MIGA2: variants seen among roughly 807,000 people sequenced by gnomAD.
MIGA2 encodes family with sequence similarity 73, member B.
MIGA2 carries 36 observed loss-of-function variants against 69.9 expected under a neutral mutation model. That is an observed-to-expected ratio of 0.52 (90% CI 0.39 to 0.68). The LOEUF (loss-of-function observed/expected upper bound fraction) is 0.68, where lower values mean the gene tolerates loss of function less well. Ranked by LOEUF, MIGA2 falls within the 30% of genes least tolerant of loss-of-function variation. The pLI, the probability that MIGA2 is intolerant of heterozygous loss-of-function variation, is 0.00. For synonymous variants in MIGA2, 333 were observed against 349.2 expected, an observed-to-expected ratio of 0.95 and a Z score of 0.52; for missense variants, 660 against 787.7, an observed-to-expected ratio of 0.84 and a Z score of 1.94.
rs1846708675 is a variant in MIGA2 at position 129,072,047 on chromosome 9, G to GT, written c.*1595dup. 6.6e-6 allele frequency: 1 copy of GT among 152,632 alleles called. No individual in the cohort carries two copies. Among genetic ancestry groups the GT allele is most frequent in the Non-Finnish European group, 1.5e-5 (1 of 68,048 alleles). The allele number at this position is 152,632 out of a possible 1,614,324, so 9.5% of individuals were successfully genotyped here. A position where few individuals can be genotyped will look rare whatever the true frequency, so the allele number is the denominator to read the frequency against. On this transcript the variant is annotated 3_prime_UTR_variant, in exon 16 of 16. Coordinates refer to ENST00000684074, the MANE Select transcript of MIGA2 (RefSeq NM_001329990.2). ...GGATGGTAGAGTGTGTGCACTGACT[G>GT]TGAGTCGAATAAACAATTGAGACGA...
chr9:129,053,366 AT>A lies in MIGA2; in HGVS notation c.675+3417del, dbSNP rs112922743. ...GCATTTTTTTCTGTCTATTGCTATA[AT>A]TTTTTTTTTTTTTGAGACGGAGTTT... is the stretch of plus-strand genomic sequence containing the variant. On this transcript the variant is annotated intron_variant, in intron 6 of 15. Transcript: ENST00000684074. 5.1e-3 allele frequency among the ~76,000 whole-genome samples: 738 copies of A among 145,482 alleles called. 3 individuals are homozygous for A. Among genetic ancestry groups the A allele is most frequent in the African/African-American group, 0.013 (506 of 39,964 alleles).
intron 3 of MIGA2, among the ~76,000 whole-genome samples, 196 bp from the exon 4 acceptor site, chr9:129,048,231 G>C (rs1167657265): frequency 6.6e-6 from 1 of 152,206 alleles, no homozygotes; most frequent in Non-Finnish European, 1.5e-5. Context: ...GCAGGGATGT[G>C]GTCATGAGCA....
chr9:129,062,838 C>T (rs1048068072), intron 9 of MIGA2, among the ~76,000 whole-genome samples: 7 of 150,808 alleles, frequency 4.6e-5, no homozygotes, highest in South Asian at 2.1e-4. Flanking sequence ...AACGAGACTC[C>T]GTCTAAAAAA....
chr9:129,063,648 TGG>T lies in MIGA2; in HGVS notation c.1170+23_1170+24del. 7.2e-6 allele frequency: 4 copies of T among 555,130 alleles called. No homozygotes were observed. Among genetic ancestry groups the T allele is most frequent in the African/African-American group, 3.3e-5 (1 of 30,728 alleles). The allele number at this position is 555,130 out of a possible 1,614,324, so 34.4% of individuals were successfully genotyped here. Reference sequence around the variant, plus strand: ...GCTGAGAAGGTAGCAGGGGGTGGGGTGGGGGGGCAAATTATAAAATGCAAACC... The same window carrying T: ...GCTGAGAAGGTAGCAGGGGGTGGGGTGGGGGCAAATTATAAAATGCAAACC... On this transcript the variant is annotated intron_variant, in intron 11 of 15. Coordinates refer to ENST00000684074, the MANE Select transcript of MIGA2 (RefSeq NM_001329990.2).
intron 1 of MIGA2, among the ~76,000 whole-genome samples, chr9:129,039,407 G>A (rs575459715): frequency 4.6e-4 from 70 of 151,650 alleles, no homozygotes; most frequent in African/African-American, 1.6e-3. Context: ...TACAACGCCC[G>A]GCTAATTTTT....
In MIGA2 at chr9:129,061,083, G is replaced by A. The variant is rs1846042931; in HGVS notation, c.895-148G>A. 10 of 697,800 alleles carry A rather than the reference G, an allele frequency of 1.4e-5. No individual in the cohort carries two copies. Among genetic ancestry groups the A allele is most frequent in the East Asian group, 5.4e-5 (2 of 37,176 alleles). The allele number at this position is 697,800 out of a possible 1,614,324, so 43.2% of individuals were successfully genotyped here. On this transcript the variant is annotated intron_variant, in intron 8 of 15. Coordinates refer to ENST00000684074, the MANE Select transcript of MIGA2 (RefSeq NM_001329990.2). The surrounding 1 kb of genome is among the most constrained non-coding windows in gnomAD (Gnocchi z 5.0). ...GGCTCGAACTGGAGCCTCCTGGCCA[G>A]TGTTCCCTCTGACATCCCCTCAGAG...
chr9:129,069,702 A>G lies in MIGA2; in HGVS notation c.1459-147A>G. ...TGCAGAAGTTAAAATGGGCTTCGAA[A>G]GCTTGAGTCACTGCCCAGGGTCATC... is the stretch of plus-strand genomic sequence containing the variant. On this transcript the variant is annotated intron_variant, in intron 14 of 15. Transcript: ENST00000684074. This position sits in a 1 kb window ranked among gnomAD's most constrained non-coding sequence, Gnocchi z 4.9. The G allele has an allele frequency of 1.4e-6, 1 of 701,792 alleles. No homozygotes were observed. Among genetic ancestry groups the G allele is most frequent in the Non-Finnish European group, 2.6e-6 (1 of 385,996 alleles). The allele number at this position is 701,792 out of a possible 1,614,324, so 43.5% of individuals were successfully genotyped here.
At chr9:129,052,993 A>C (rs989604611) in intron 6 of MIGA2, among the ~76,000 whole-genome samples, 1 of 152,214 alleles carries the variant, frequency 6.6e-6, no homozygotes, top group African/African-American at 2.4e-5. Flanking sequence ...GCTAAAAACT[A>C]TATCTGAAAA....
chr9:129,037,988 C>T (rs1662228804), intron 1 of MIGA2, among the ~76,000 whole-genome samples: 1 of 152,174 alleles, frequency 6.6e-6, no homozygotes, highest in African/African-American at 2.4e-5. Context: ...TCGTGGAGAG[C>T]CTGTTCTGGA....
intron 6 of MIGA2, among the ~76,000 whole-genome samples, chr9:129,057,292 T>TTTGTTG (rs916990873): frequency 7.2e-5 from 11 of 151,904 alleles, no homozygotes; most frequent in Non-Finnish European, 1.6e-4. Context: ...ATATATAAAT[T>TTTGTTG]TTGTTGTTGT....
intron 3 of MIGA2, chr9:129,046,955 T>G (rs1845258933): frequency 1.3e-5 from 2 of 151,840 alleles, no homozygotes; most frequent in South Asian, 4.2e-4. Flanking sequence ...ATTTTTGTAT[T>G]TTTAGTAGTG....
intron 6 of MIGA2, among the ~76,000 whole-genome samples, chr9:129,053,592 C>A (rs556233581): frequency 6.6e-6 from 1 of 152,234 alleles, no homozygotes; most frequent in South Asian, 2.1e-4. Context: ...GTTTCTATCT[C>A]CTGACCTCAG....
intron 3 of MIGA2, among the ~76,000 whole-genome samples, chr9:129,042,868 T>C (rs1279923232): frequency 6.6e-6 from 1 of 152,170 alleles, no homozygotes; most frequent in African/African-American, 2.4e-5. Flanking sequence ...TCTTGAATGA[T>C]GCAGTATTCC....
chr9:129,053,908 T>C (rs1042517868), intron 6 of MIGA2, among the ~76,000 whole-genome samples: 2 of 152,058 alleles, frequency 1.3e-5, no homozygotes, highest in Admixed American at 1.3e-4. Context: ...CTGGGTGTCA[T>C]GGCATGTTCC....
At chr9:129,052,005 T>G (rs1182350502) in intron 6 of MIGA2, among the ~76,000 whole-genome samples, 1 of 152,052 alleles carries the variant, frequency 6.6e-6, no homozygotes, top group African/African-American at 2.4e-5. Context: ...TTTTTGTATT[T>G]TTAGCAGAGA....
chr9:129,063,483 C>A (rs1447969232), intron 10 of MIGA2, 62 bp from the exon 11 acceptor site: 2 of 1,591,260 alleles, frequency 1.3e-6, no homozygotes, highest in African/African-American at 1.4e-5. Flanking sequence ...GTGGCCCTCT[C>A]CGTGGGCTTT....
intron 3 of MIGA2, among the ~76,000 whole-genome samples, chr9:129,046,944 A>G (rs1845258449): frequency 6.6e-6 from 1 of 151,348 alleles, no homozygotes; most frequent in African/African-American, 2.4e-5. Flanking sequence ...ACACCTGGCT[A>G]ATTTTTGTAT....
intron 3 of MIGA2, among the ~76,000 whole-genome samples, chr9:129,045,734 G>A (rs915204688): frequency 1.3e-5 from 2 of 151,862 alleles, no homozygotes; most frequent in East Asian, 1.9e-4. Context: ...ATAGAGAGTC[G>A]CTGTCTCTGT....
At position 129,069,312 on chromosome 9, in the gene MIGA2, T is replaced by C. The variant is rs1420679921; in HGVS notation, c.1458+183T>C. 3 of 687,266 alleles carry C rather than the reference T, an allele frequency of 4.4e-6. No individual in the cohort carries two copies. The highest frequency in any genetic ancestry group is 7.6e-6 in the Non-Finnish European group (3 of 396,218). The allele number at this position is 687,266 out of a possible 1,614,324, so 42.6% of individuals were successfully genotyped here. A position where few individuals can be genotyped will look rare whatever the true frequency, so the allele number is the denominator to read the frequency against. ...TCCCTGGAGGCTCGTGTAGACCCACTTCCTCTCCTCCCCAGGCCCAGCACA... is the reference window on the plus strand; with the variant it reads ...TCCCTGGAGGCTCGTGTAGACCCACCTCCTCTCCTCCCCAGGCCCAGCACA... On this transcript the variant is annotated intron_variant, in intron 14 of 15. Transcript: ENST00000684074. This position sits in a 1 kb window ranked among gnomAD's most constrained non-coding sequence, Gnocchi z 4.9.
Sources: gnomAD v4.1 joint callset for allele counts (sites outside exome capture counted in the v4.1 genomes callset) on GRCh38, gnomAD v4.1.1 for gene constraint, Gnocchi (gnomAD v3.1) non-coding constraint, MANE v1.5 for transcripts, NCBI Gene and HGNC (gene_info 2026-07-23, HGNC 2026-07-21) for gene names.